XKR4: variants seen among roughly 807,000 people sequenced by gnomAD.
The protein encoded by XKR4 is XK related 4.
XKR4 carries 12 observed loss-of-function variants against 53.9 expected under a neutral mutation model. That is an observed-to-expected ratio of 0.22 (90% CI 0.14 to 0.36). The LOEUF is 0.36. Ranked by LOEUF, XKR4 falls within the 10% of genes least tolerant of loss-of-function variation. The pLI, the probability that XKR4 is intolerant of heterozygous loss-of-function variation, is 1.00. For synonymous variants in XKR4, 354 were observed against 362.4 expected, an observed-to-expected ratio of 0.98 and a Z score of 0.26; for missense variants, 799 against 859.5, an observed-to-expected ratio of 0.93 and a Z score of 0.88.
At chr8:55,137,640 T>C (rs984651021) in intron 1 of XKR4, among the ~76,000 whole-genome samples, 2 of 150,992 alleles carry the variant, frequency 1.3e-5, no homozygotes, top group African/African-American at 4.9e-5. Context: ...AGTGGCACAC[T>C]GCAGTCTCAA....
chr8:55,317,554 T>C (rs557957501), intron 1 of XKR4, among the ~76,000 whole-genome samples: 1 of 152,328 alleles, frequency 6.6e-6, no homozygotes, highest in East Asian at 1.9e-4. Flanking sequence ...TAACATTGGC[T>C]CTGATTTATT....
chr8:55,134,414 C>T (rs1301000416), intron 1 of XKR4, among the ~76,000 whole-genome samples: 4 of 152,190 alleles, frequency 2.6e-5, no homozygotes, highest in Admixed American at 1.3e-4. Flanking sequence ...GAGATGTATA[C>T]ATTCATGTGC....
At chr8:55,318,360 C>T (rs1803144129) in intron 1 of XKR4, among the ~76,000 whole-genome samples, 1 of 152,148 alleles carries the variant, frequency 6.6e-6, no homozygotes, top group Non-Finnish European at 1.5e-5. Flanking sequence ...GCAGTGAAGT[C>T]TTTCTGTTCA....
chr8:55,158,583 TC>T (rs1425608216), intron 1 of XKR4, among the ~76,000 whole-genome samples: 3 of 152,242 alleles, frequency 2.0e-5, no homozygotes, highest in Non-Finnish European at 4.4e-5. Context: ...ATATCCTATG[TC>T]CAGAATAGTG....
Position 55,343,444 on chromosome 8 carries a change from A to G in XKR4, c.807-14234A>G, listed in dbSNP as rs118118288. Among the ~76,000 whole-genome samples the G allele has an allele frequency of 1.1e-3, 165 of 152,230 alleles. 2 individuals are homozygous for G. The East Asian group carries it at 0.024, about 22-fold the overall frequency. Reference sequence around the variant, plus strand: ...CAGGGAGCTCAGATGCTTTCCTCCTATTGAATTGGTCTCACAGCCTCTGAA... The same window carrying G: ...CAGGGAGCTCAGATGCTTTCCTCCTGTTGAATTGGTCTCACAGCCTCTGAA... On this transcript the variant is annotated intron_variant, in intron 1 of 2. Coordinates refer to ENST00000327381, the MANE Select transcript of XKR4 (RefSeq NM_052898.2).
intron 1 of XKR4, among the ~76,000 whole-genome samples, chr8:55,311,798 T>C (rs564818001): frequency 1.9e-4 from 9 of 47,220 alleles, no homozygotes; most frequent in African/African-American, 7.5e-4. Context: ...ATATAGAACC[T>C]AAAATAACTG....
chr8:55,321,690 C>A (rs1331146200), intron 1 of XKR4, among the ~76,000 whole-genome samples: 1 of 152,144 alleles, frequency 6.6e-6, no homozygotes, highest in Non-Finnish European at 1.5e-5. Context: ...AACCCACCAC[C>A]TATTAAAAAC....
chr8:55,209,495 C>T (rs542423931), intron 1 of XKR4, among the ~76,000 whole-genome samples: 8 of 152,250 alleles, frequency 5.3e-5, no homozygotes, highest in African/African-American at 1.7e-4. Context: ...TATTAAGACA[C>T]GTTTTTTAAG....
intron 1 of XKR4, among the ~76,000 whole-genome samples, chr8:55,231,059 G>A (rs1818032748): frequency 1.3e-5 from 2 of 152,268 alleles, no homozygotes; most frequent in South Asian, 4.1e-4. Flanking sequence ...TTAAAATGAA[G>A]AGTTCGAAAC....
chr8:55,195,052 G>A lies in XKR4; in HGVS notation c.806+91758G>A, dbSNP rs183229793. On this transcript the variant is annotated intron_variant, in intron 1 of 2. Transcript: ENST00000327381. ...TGCTTCTGTTCCCATCTATTTATGC[G>A]AACAAGATTTTTTAGTATTTAATTC... Among the ~76,000 whole-genome samples the A allele has an allele frequency of 1.1e-3, 164 of 152,134 alleles. 2 individuals are homozygous for A. The highest frequency in any genetic ancestry group is 3.7e-3 in the African/African-American group (154 of 41,510).
At chr8:55,225,651 T>A (rs1243088584) in intron 1 of XKR4, among the ~76,000 whole-genome samples, 2 of 152,352 alleles carry the variant, frequency 1.3e-5, no homozygotes, top group South Asian at 2.1e-4. Flanking sequence ...GAACTATGCA[T>A]GAAACCATCA....
intron 2 of XKR4, among the ~76,000 whole-genome samples, chr8:55,458,477 A>G (rs1283970485): frequency 6.6e-6 from 1 of 152,234 alleles, no homozygotes; most frequent in Non-Finnish European, 1.5e-5. Flanking sequence ...TAAGTATTAG[A>G]CAGCTCAGTG....
chr8:55,195,151 C>T lies in XKR4; in HGVS notation c.806+91857C>T, dbSNP rs138036104. ...TATTTCAGCAACAAATAATTTTCAC[C>T]GACAAGTCCATGAACTAACTGGAAA... On this transcript the variant is annotated intron_variant, in intron 1 of 2. Transcript: ENST00000327381. 4.5e-3 allele frequency among the ~76,000 whole-genome samples: 450 copies of T among 99,028 alleles called. 59 individuals carry two copies. Among genetic ancestry groups the T allele is most frequent in the African/African-American group, 0.013 (373 of 29,618 alleles). 65.0% of individuals were successfully genotyped at this position (99,028 alleles called of 152,430 possible). A position where few individuals can be genotyped will look rare whatever the true frequency, so the allele number is the denominator to read the frequency against.
intron 2 of XKR4, among the ~76,000 whole-genome samples, chr8:55,405,484 A>G (rs1323465287): frequency 6.6e-6 from 1 of 152,160 alleles, no homozygotes; most frequent in Non-Finnish European, 1.5e-5. Context: ...CAGGTCAATC[A>G]CCTCTTGGCT....
chr8:55,113,319 T>C (rs1196790332), intron 1 of XKR4, among the ~76,000 whole-genome samples: 6 of 152,174 alleles, frequency 3.9e-5, no homozygotes, highest in Non-Finnish European at 5.9e-5. Flanking sequence ...TGTTAGCTAG[T>C]GGAAGAAAAA....
At position 55,351,232 on chromosome 8, in the gene XKR4, A is replaced by ATT. The variant is rs1047018867; in HGVS notation, c.807-6438_807-6437dup. Reference sequence around the variant, plus strand: ...CATTCAGGACCTGAAAATAGCTTTTATTTTTTTTTGTCATCCTTGGTTTAT... The same window carrying ATT: ...CATTCAGGACCTGAAAATAGCTTTTATTTTTTTTTTTGTCATCCTTGGTTTAT... On this transcript the variant is annotated intron_variant, in intron 1 of 2. Coordinates refer to ENST00000327381, the MANE Select transcript of XKR4 (RefSeq NM_052898.2). Among the ~76,000 whole-genome samples the ATT allele has an allele frequency of 1.5e-4, 22 of 151,290 alleles. 1 individual carries two copies. In the Middle Eastern group the frequency reaches 0.01, roughly 70 times the overall value.
chr8:55,535,090 A>G lies in XKR4; in HGVS notation c.*10863A>G, dbSNP rs1198545821. ...ACCAAGATGTATAATAGCAAGCACTACTGAATGATCTTCCCAGTTATCAGC... is the reference window on the plus strand; with the variant it reads ...ACCAAGATGTATAATAGCAAGCACTGCTGAATGATCTTCCCAGTTATCAGC... On this transcript the variant is annotated 3_prime_UTR_variant, in exon 3 of 3. Transcript: ENST00000327381. 6.6e-6 allele frequency: 1 copy of G among 152,166 alleles called. No individual in the cohort carries two copies. The highest frequency in any genetic ancestry group is 1.5e-5 in the Non-Finnish European group (1 of 68,038). 9.4% of individuals were successfully genotyped at this position (152,166 alleles called of 1,614,324 possible). A position where few individuals can be genotyped will look rare whatever the true frequency, so the allele number is the denominator to read the frequency against.
At chr8:55,417,798 C>T (rs186285953) in intron 2 of XKR4, among the ~76,000 whole-genome samples, 2 of 152,264 alleles carry the variant, frequency 1.3e-5, no homozygotes, top group Admixed American at 1.3e-4. Context: ...GTACAGCACT[C>T]TGGGGACCTA....
intron 1 of XKR4, among the ~76,000 whole-genome samples, chr8:55,240,496 G>A (rs1248939288): frequency 1.3e-5 from 2 of 152,236 alleles, no homozygotes; most frequent in African/African-American, 4.8e-5. Flanking sequence ...AGAGAGATAG[G>A]AAAGGCTCAA....
Sources: gnomAD v4.1 joint callset for allele counts (sites outside exome capture counted in the v4.1 genomes callset) on GRCh38, gnomAD v4.1.1 for gene constraint, MANE v1.5 for transcripts, NCBI Gene and HGNC (gene_info 2026-07-23, HGNC 2026-07-21) for gene names.